The following JAKMIP2 variants were observed in gnomAD, a reference collection of about 807,000 sequenced individuals.
JAKMIP2 encodes janus kinase and microtubule-interacting protein 2.
Under a neutral mutation model 115.0 loss-of-function variants are expected in JAKMIP2, and 25 were observed. The ratio of observed to expected loss-of-function variants is 0.22; its 90% CI spans 0.16 to 0.30. The LOEUF (loss-of-function observed/expected upper bound fraction) is 0.30, where lower values mean the gene tolerates loss of function less well. Ranked by LOEUF, JAKMIP2 falls within the 10% of genes least tolerant of loss-of-function variation. JAKMIP2 has a pLI of 1.00. For missense variants in JAKMIP2, 642 were observed against 957.6 expected, an observed-to-expected ratio of 0.67 and a Z score of 4.35; for synonymous variants, 334 against 343.6, an observed-to-expected ratio of 0.97 and a Z score of 0.31.
intron 20 of JAKMIP2, among the ~76,000 whole-genome samples, chr5:147,607,516 G>A (rs915485599): frequency 5.9e-5 from 9 of 152,214 alleles, no homozygotes; most frequent in African/African-American, 2.2e-4. Flanking sequence ...GCATCCCAGG[G>A]ATGAAGCCAA....
chr5:147,604,544 AC>A (rs1755893916), intron 20 of JAKMIP2, among the ~76,000 whole-genome samples: 1 of 152,108 alleles, frequency 6.6e-6, no homozygotes, highest in African/African-American at 2.4e-5. Flanking sequence ...ACTCCCTTTA[AC>A]CTCACATATA....
At chr5:147,650,949 G>T (rs1454077549) in intron 3 of JAKMIP2, among the ~76,000 whole-genome samples, 2 of 152,094 alleles carry the variant, frequency 1.3e-5, no homozygotes, top group Non-Finnish European at 2.9e-5. Flanking sequence ...GGGCAAATGG[G>T]TATTCAGATT....
rs923275463 is a variant in JAKMIP2 at position 147,586,481 on chromosome 5, C to T, written c.*5226G>A. 1.4e-4 allele frequency: 22 copies of T among 152,050 alleles called. No individual in the cohort carries two copies. Among genetic ancestry groups the T allele is most frequent in the African/African-American group, 3.1e-4 (13 of 41,482 alleles). 9.4% of individuals were successfully genotyped at this position (152,050 alleles called of 1,614,324 possible). A position where few individuals can be genotyped will look rare whatever the true frequency, so the allele number is the denominator to read the frequency against. On this transcript the variant is annotated 3_prime_UTR_variant, in exon 22 of 22. Transcript: ENST00000616793. ...TGCATCATCCACTCTTTAGTAAGTT[C>T]GTGGGATCTTGATTGTGGGCAAAAT...
chr5:147,739,741 TGA>T (rs1176677889), intron 1 of JAKMIP2, among the ~76,000 whole-genome samples: 2 of 151,840 alleles, frequency 1.3e-5, no homozygotes, highest in Non-Finnish European at 2.9e-5. Flanking sequence ...AGATAGAGGG[TGA>T]GAAAAAAGAC....
chr5:147,701,715 A>C (rs1220144032), intron 1 of JAKMIP2, among the ~76,000 whole-genome samples: 1 of 152,220 alleles, frequency 6.6e-6, no homozygotes, highest in Non-Finnish European at 1.5e-5. Flanking sequence ...AAAGAGGCCC[A>C]AGGAGGCTTG....
At chr5:147,691,288 T>C (rs1042877534) in intron 1 of JAKMIP2, among the ~76,000 whole-genome samples, 1 of 152,172 alleles carries the variant, frequency 6.6e-6, no homozygotes, top group Non-Finnish European at 1.5e-5. Flanking sequence ...TTATTGTTAC[T>C]ATTAACCTTC....
At chr5:147,776,283 G>A (rs1052419011) in intron 1 of JAKMIP2, among the ~76,000 whole-genome samples, 2 of 152,126 alleles carry the variant, frequency 1.3e-5, no homozygotes, top group African/African-American at 4.8e-5. Context: ...GGAGGTAATT[G>A]GACCTTGGGG....
chr5:147,697,306 C>G (rs2126875222), intron 1 of JAKMIP2, among the ~76,000 whole-genome samples: 1 of 152,274 alleles, frequency 6.6e-6, no homozygotes, highest in African/African-American at 2.4e-5. Context: ...GAGACTTATT[C>G]ACTATCATGA....
chr5:147,622,558 T>C (rs1197940153), intron 17 of JAKMIP2, among the ~76,000 whole-genome samples: 2 of 152,234 alleles, frequency 1.3e-5, no homozygotes, highest in African/African-American at 4.8e-5. Context: ...TGAAAGTACA[T>C]CCATATTGTA....
At chr5:147,604,229 T>C (rs1581270679) in intron 20 of JAKMIP2, among the ~76,000 whole-genome samples, 1 of 152,248 alleles carries the variant, frequency 6.6e-6, no homozygotes, top group Admixed American at 6.5e-5. Flanking sequence ...TAGCCCCTTC[T>C]GAAATGTGAG....
At chr5:147,739,734 T>C (rs1455640006) in intron 1 of JAKMIP2, among the ~76,000 whole-genome samples, 2 of 152,140 alleles carry the variant, frequency 1.3e-5, no homozygotes, top group East Asian at 3.9e-4. Flanking sequence ...GTGAGGGAGA[T>C]AGAGGGTGAG....
chr5:147,617,828 A>G (rs2126644758), intron 19 of JAKMIP2, 83 bp downstream of exon 19: 1 of 1,069,570 alleles, frequency 9.3e-7, no homozygotes, highest in South Asian at 1.3e-5. Context: ...GCTTCTCCGT[A>G]CCCATACTCA....
chr5:147,618,174 AG>A (rs1206644244), intron 18 of JAKMIP2, 60 bp from the exon 19 acceptor site: 1 of 966,924 alleles, frequency 1.0e-6, no homozygotes, highest in East Asian at 3.5e-5. Context: ...CTGGTGTGGG[AG>A]TGTATGCTAT....
rs1754991609 is a variant in JAKMIP2 at position 147,588,927 on chromosome 5, G to T, written c.*2780C>A. 6.6e-6 allele frequency: 1 copy of T among 152,138 alleles called. No homozygotes were observed. Among genetic ancestry groups the T allele is most frequent in the African/African-American group, 2.4e-5 (1 of 41,450 alleles). The allele number at this position is 152,138 out of a possible 1,614,324, so 9.4% of individuals were successfully genotyped here. ...CAAAATTAAGAGAAGGAAGGTGTGTGTTGGAGCAGACGGAATATAGATTTA... is the reference window on the plus strand; with the variant it reads ...CAAAATTAAGAGAAGGAAGGTGTGTTTTGGAGCAGACGGAATATAGATTTA... On this transcript the variant is annotated 3_prime_UTR_variant, in exon 22 of 22. Coordinates refer to ENST00000616793, the MANE Select transcript of JAKMIP2 (RefSeq NM_001270941.2).
intron 1 of JAKMIP2, among the ~76,000 whole-genome samples, chr5:147,751,789 T>A (rs184409847): frequency 6.6e-6 from 1 of 152,212 alleles, no homozygotes; most frequent in African/African-American, 2.4e-5. Flanking sequence ...GCAAGGAGGG[T>A]GGCATAAAGG....
chr5:147,622,118 C>T (rs112244989), intron 17 of JAKMIP2, among the ~76,000 whole-genome samples: 2,107 of 152,262 alleles, frequency 0.014, 54 homozygotes, highest in African/African-American at 0.049. Flanking sequence ...CTGCCTGCCT[C>T]GGCCTCCCAA....
At chr5:147,596,869 ATACT>A (rs955248120) in intron 21 of JAKMIP2, among the ~76,000 whole-genome samples, 4 of 151,934 alleles carry the variant, frequency 2.6e-5, no homozygotes, top group Non-Finnish European at 2.9e-5. Context: ...TTTCCTACTA[ATACT>A]TTATTTTTTT....
At chr5:147,618,535 G>A (rs541297200) in intron 18 of JAKMIP2, among the ~76,000 whole-genome samples, 3 of 152,162 alleles carry the variant, frequency 2.0e-5, no homozygotes, top group Admixed American at 1.3e-4. Flanking sequence ...TCAGGAGTTC[G>A]AGACCAGCCT....
At chr5:147,615,007 T>C (rs751893121) in intron 19 of JAKMIP2, among the ~76,000 whole-genome samples, 4 of 152,222 alleles carry the variant, frequency 2.6e-5, no homozygotes, top group Admixed American at 6.5e-5. Context: ...CAAACTCACA[T>C]ACACATTGTA....
Sources: gnomAD v4.1 joint callset for allele counts (sites outside exome capture counted in the v4.1 genomes callset) on GRCh38, gnomAD v4.1.1 for gene constraint, MANE v1.5 for transcripts, NCBI Gene and HGNC (gene_info 2026-07-23, HGNC 2026-07-21) for gene names.